ACOX1: variants seen among roughly 807,000 people sequenced by gnomAD.
The protein encoded by ACOX1 is acyl-CoA oxidase 1, also known as peroxisomal acyl-coenzyme A oxidase 1.
Under a neutral mutation model 75.5 loss-of-function variants are expected in ACOX1, and 41 were observed. That is an observed-to-expected ratio of 0.54 (90% CI 0.42 to 0.70). The LOEUF is 0.70. ACOX1 is among the 30% of genes least tolerant of loss of function. ACOX1 has a pLI of 0.00. For missense variants in ACOX1, 630 were observed against 837.5 expected (o/e 0.75, Z 3.06); for synonymous variants, 303 against 298.8 (o/e 1.01, Z -0.15).
At position 75,971,162 on chromosome 17, in the gene ACOX1, A is replaced by G. The variant is rs571133608; in HGVS notation, c.269+7372T>C. On this transcript the variant is annotated intron_variant, in intron 2 of 13. Coordinates refer to ENST00000293217, the MANE Select transcript of ACOX1 (RefSeq NM_004035.7). The stretch of plus-strand genomic sequence containing the variant: ...CAAAATTAGCCGGGCATGGTGGCAC[A>G]CGCCTCTAATCCCAGCTACTAGGGA... Among the ~76,000 whole-genome samples, 14 of 151,820 alleles carry G rather than the reference A, an allele frequency of 9.2e-5. 2 individuals are homozygous for G. The South Asian group carries it at 2.9e-3, about 32-fold the overall frequency.
Position 75,955,581 on chromosome 17 carries a change from C to A in ACOX1, c.759G>T (p.Leu253=). ...DNHRIPRENM[L]MKYAQVKPDG... ...CAAAACATACCTGGGCATACTTCAT[C>A]AGCATGTTTTCTCTGGGAATACGAT... The change falls in exon 6 of 14, where the codon CTG becomes CTT. Residue 253 remains leucine (L), a synonymous_variant. Coordinates refer to ENST00000293217, the MANE Select transcript of ACOX1 (RefSeq NM_004035.7). 6.2e-7 allele frequency: 1 copy of A among 1,613,918 alleles called. No homozygotes were observed. Among genetic ancestry groups the A allele is most frequent in the African/African-American group, 1.3e-5 (1 of 75,042 alleles).
At chr17:75,954,980 G>A (rs1293484054) in intron 6 of ACOX1, among the ~76,000 whole-genome samples, 1 of 152,022 alleles carries the variant, frequency 6.6e-6, no homozygotes, top group Non-Finnish European at 1.5e-5. Context: ...CTATTCTCCT[G>A]CCTCAGCCTC....
intron 2 of ACOX1, among the ~76,000 whole-genome samples, chr17:75,970,512 A>G (rs987203895): frequency 6.6e-6 from 1 of 152,182 alleles, no homozygotes; most frequent in Non-Finnish European, 1.5e-5. Context: ...AGGAAAGAAG[A>G]CACACTCTAG....
chr17:75,948,558 C>CTTTTT, intron 12 of ACOX1, 101 bp from the exon 13 acceptor site: 1 of 849,454 alleles, frequency 1.2e-6, no homozygotes, highest in Non-Finnish European at 1.7e-6. Context: ...TTATTTTTTT[C>CTTTTT]TTTTTTTTTT....
Position 75,945,157 on chromosome 17 carries a change from G to T in ACOX1, c.*1591C>A. On this transcript the variant is annotated 3_prime_UTR_variant, in exon 14 of 14. Coordinates refer to ENST00000293217, the MANE Select transcript of ACOX1 (RefSeq NM_004035.7). Reference sequence around the variant, plus strand: ...CCCATCTATGCAACTGGATTGGGGGGTGTCATTCCAAACACCCTCAGATCC... The same window carrying T: ...CCCATCTATGCAACTGGATTGGGGGTTGTCATTCCAAACACCCTCAGATCC... 1 of 152,170 alleles carries T rather than the reference G, an allele frequency of 6.6e-6. No homozygotes were observed. Among genetic ancestry groups the T allele is most frequent in the Non-Finnish European group, 1.5e-5 (1 of 68,040 alleles). The allele number at this position is 152,170 out of a possible 1,614,324, so 9.4% of individuals were successfully genotyped here.
chr17:75,949,861 T>G lies in ACOX1; in HGVS notation c.1335A>C (p.Gly445=). Residue 445 remains glycine (G), a synonymous_variant, in exon 10 of 14, where the codon GGA becomes GGC. Coordinates refer to ENST00000293217, the MANE Select transcript of ACOX1 (RefSeq NM_004035.7). ...LMKSYDQVHS[G]KLVCGMVSYL... is the part of the protein sequence containing the mutation. ...AGGACACCATGCCACACACCAACTT[T>G]CCTGAGTGCACCTGATCATAACTTT... The G allele has an allele frequency of 6.2e-7, 1 of 1,614,234 alleles. No individual in the cohort carries two copies. Among genetic ancestry groups the G allele is most frequent in the Non-Finnish European group, 8.5e-7 (1 of 1,180,038 alleles).
chr17:75,965,507 AT>A (rs57787276), intron 2 of ACOX1, among the ~76,000 whole-genome samples: 25 of 150,432 alleles, frequency 1.7e-4, no homozygotes, highest in Non-Finnish European at 3.7e-4. Flanking sequence ...TTCCTGTAGA[AT>A]TTTTTTTTAG....
rs1476428516 is a variant in ACOX1 at position 75,956,961 on chromosome 17, CTCTCTCTCTCTATATATATATATA to C, written c.538+474_538+497del. The stretch of plus-strand genomic sequence containing the variant: ...TCTCTCTCTCTCTCTCTCTCTCTCT[CTCTCTCTCTCTATATATATATATA>C]TATATATATATATATATATATATAC... On this transcript the variant is annotated intron_variant, in intron 4 of 13. Coordinates refer to ENST00000293217, the MANE Select transcript of ACOX1 (RefSeq NM_004035.7). 8.4e-3 allele frequency among the ~76,000 whole-genome samples: 187 copies of C among 22,174 alleles called. 1 individual carries two copies. Among genetic ancestry groups the C allele is most frequent in the South Asian group, 0.015 (6 of 410 alleles). 14.5% of individuals were successfully genotyped at this position (22,174 alleles called of 152,430 possible). A position where few individuals can be genotyped will look rare whatever the true frequency, so the allele number is the denominator to read the frequency against.
At chr17:75,966,661 G>A (rs1275717150) in intron 2 of ACOX1, among the ~76,000 whole-genome samples, 1 of 151,800 alleles carries the variant, frequency 6.6e-6, no homozygotes, top group Non-Finnish European at 1.5e-5. Context: ...AAATTAGCTG[G>A]GCGTGGTGGC....
In ACOX1 at chr17:75,951,423, G is replaced by A. The variant is rs2065772741; in HGVS notation, c.1099C>T (p.Leu367=). 2 of 1,613,982 alleles carry A rather than the reference G, an allele frequency of 1.2e-6. No homozygotes were observed. Among genetic ancestry groups the A allele is most frequent in the African/African-American group, 2.7e-5 (2 of 74,910 alleles). ...EGIGQGDLSE[L]PELHALTAGL... is the part of the protein sequence containing the mutation. ...TGAGACCAAACTCATACCTCAGGCA[G>A]TTCACTCAGGTCCCCTTGACCAATG... Residue 367 remains leucine (L), a synonymous_variant, in exon 8 of 14, where the codon CTG becomes TTG. Transcript: ENST00000293217.
At position 75,978,614 on chromosome 17, in the gene ACOX1, A is replaced by G. The variant is rs2144330589; in HGVS notation, c.189T>C (p.Ala63=). 6.2e-7 allele frequency: 1 copy of G among 1,614,230 alleles called. No homozygotes were observed. The highest frequency in any genetic ancestry group is 8.5e-7 in the Non-Finnish European group (1 of 1,180,042). The stretch of plus-strand genomic sequence containing the variant: ...TCACCATGATGGCACTTTTCCTGAC[A>G]GCCACCTCATAACGCTGGCTGCGAG... ...FLTRSQRYEV[A]VRKSAIMVKK... The change falls in exon 2 of 14, where the codon GCT becomes GCC. Residue 63 remains alanine (A), a synonymous_variant. Transcript: ENST00000293217. The surrounding 1 kb of genome is among the most constrained non-coding windows in gnomAD (Gnocchi z 4.2).
intron 2 of ACOX1, among the ~76,000 whole-genome samples, chr17:75,967,697 C>CATAT (rs553599978): frequency 9.0e-6 from 1 of 110,548 alleles, no homozygotes; most frequent in African/African-American, 4.2e-5. Flanking sequence ...TATATACATA[C>CATAT]ATATATATAC....
rs1341473346 is a variant in ACOX1 at position 75,979,057 on chromosome 17, C to G, written c.17G>C (p.Arg6Pro). The change falls in exon 1 of 14, where the codon CGC becomes CCC. Residue 6 changes from arginine (R) to proline (P), a missense_variant. Physicochemically the swap from Arg to Pro is moderately radical, Grantham distance 103 (BLOSUM62 -2). Coordinates refer to ENST00000293217, the MANE Select transcript of ACOX1 (RefSeq NM_004035.7). ...GAAGCTGGCGGAATCCCGCTCCCTG[C>G]GCAGGTCCGGGTTCATGGCGACGAC... is the stretch of plus-strand genomic sequence containing the variant. MNPDLRRERDSASFNP... is the reference protein window; with the variant it reads MNPDLPRERDSASFNP... 2 of 1,612,046 alleles carry G rather than the reference C, an allele frequency of 1.2e-6. No individual in the cohort carries two copies. The highest frequency in any genetic ancestry group is 1.7e-6 in the Non-Finnish European group (2 of 1,179,986).
intron 3 of ACOX1, among the ~76,000 whole-genome samples, chr17:75,959,922 T>C (rs2065872709): frequency 6.6e-6 from 1 of 152,210 alleles, no homozygotes; most frequent in Admixed American, 6.6e-5. Context: ...ACAGATTCTA[T>C]ACAACCTCAG....
At chr17:75,970,179 T>G (rs1169078811) in intron 2 of ACOX1, among the ~76,000 whole-genome samples, 1 of 50,904 alleles carries the variant, frequency 2.0e-5, no homozygotes, top group African/African-American at 2.4e-4. Context: ...AACATGAGAC[T>G]CCTTCAAAAA....
In ACOX1 at chr17:75,960,030, A is replaced by G. The variant is rs1383199385; in HGVS notation, c.430+185T>C. ...TAAAAAGGACAATCATTTTATCAGT[A>G]TCATGGTCTTTAATTCCCACTCACC... On this transcript the variant is annotated intron_variant, in intron 3 of 13. Transcript: ENST00000293217. The surrounding 1 kb of genome is among the most constrained non-coding windows in gnomAD (Gnocchi z 4.4). Among the ~76,000 whole-genome samples, 1 of 152,226 alleles carries G rather than the reference A, an allele frequency of 6.6e-6. No homozygotes were observed. Among genetic ancestry groups the G allele is most frequent in the African/African-American group, 2.4e-5 (1 of 41,462 alleles).
At chr17:75,956,412 C>T (rs548000092) in intron 4 of ACOX1, among the ~76,000 whole-genome samples, 62 of 152,078 alleles carry the variant, frequency 4.1e-4, no homozygotes, top group African/African-American at 1.1e-3. Context: ...TCGGGTCAGC[C>T]GGGCACGGTG....
chr17:75,950,879 C>T lies in ACOX1; in HGVS notation c.1193G>A (p.Gly398Glu). The change falls in exon 9 of 14, where the codon GGG becomes GAG. Residue 398 changes from glycine to glutamate, a missense_variant. By Grantham distance (98) the Gly-to-Glu change is moderately conservative. This residue lies in a region of ACOX1 where 390 missense variants were observed against 574.9 expected (regional missense o/e 0.68). Coordinates refer to ENST00000293217, the MANE Select transcript of ACOX1 (RefSeq NM_004035.7). This position sits in a 1 kb window ranked among gnomAD's most constrained non-coding sequence, Gnocchi z 4.3. ...GIEACRMACGGHGYSHCSGLP... is the reference protein window; with the variant it reads ...GIEACRMACGEHGYSHCSGLP... ...ACCACTGCAATGAGAATAGCCATGC[C>T]CACCACAAGCCATCCGACATGCTTC... The T allele has an allele frequency of 6.2e-7, 1 of 1,614,100 alleles. No individual in the cohort carries two copies. Among genetic ancestry groups the T allele is most frequent in the Non-Finnish European group, 8.5e-7 (1 of 1,180,012 alleles).
At chr17:75,946,876 GTT>G in intron 13 of ACOX1, 81 bp from the exon 14 acceptor site, 2 of 1,202,602 alleles carry the variant, frequency 1.7e-6, no homozygotes, top group Non-Finnish European at 1.2e-6. Flanking sequence ...TTTTGTTTTT[GTT>G]TTTTTTTTGA....
Sources: gnomAD v4.1 joint callset for allele counts (sites outside exome capture counted in the v4.1 genomes callset) on GRCh38, gnomAD v4.1.1 for gene constraint, gnomAD v4.1.1 regional missense constraint, Gnocchi (gnomAD v3.1) non-coding constraint, MANE v1.5 for transcripts, NCBI Gene and HGNC (gene_info 2026-07-23, HGNC 2026-07-21) for gene names.